The following SLC4A4 variants were observed in gnomAD, a reference collection of about 807,000 sequenced individuals.
SLC4A4 encodes the protein solute carrier family 4 member 4.
In SLC4A4, 27 loss-of-function variants were observed where a neutral mutation model predicts 111.5. That is an observed-to-expected ratio of 0.24 (90% CI 0.18 to 0.33). The LOEUF (loss-of-function observed/expected upper bound fraction) is 0.33, where lower values mean the gene tolerates loss of function less well. Among genes scored for constraint, SLC4A4 ranks in the 10% least tolerant of loss-of-function variants. The pLI is 1.00. For synonymous variants in SLC4A4, 443 were observed against 463.4 expected (o/e 0.96, Z 0.57); for missense variants, 909 against 1,315.5 (o/e 0.69, Z 4.78).
intron 16 of SLC4A4, among the ~76,000 whole-genome samples, chr4:71,524,339 T>A (rs1000454800): frequency 6.6e-6 from 1 of 152,198 alleles, no homozygotes; most frequent in Non-Finnish European, 1.5e-5. Context: ...TTCTACTGTG[T>A]TCTTTTGAGA....
At chr4:71,342,231 G>C (rs1560425335) in intron 4 of SLC4A4, among the ~76,000 whole-genome samples, 1 of 152,060 alleles carries the variant, frequency 6.6e-6, no homozygotes, top group East Asian at 1.9e-4. Context: ...AACCTGTATA[G>C]AAAAAAATCC....
intron 16 of SLC4A4, among the ~76,000 whole-genome samples, chr4:71,503,050 T>C (rs550475046): frequency 3.0e-4 from 45 of 152,286 alleles, no homozygotes; most frequent in Non-Finnish European, 5.4e-4. Context: ...TTTTATTGAA[T>C]CGATTCTTTT....
At chr4:71,176,830 A>AC (rs768345243) in intron 2 of SLC4A4, among the ~76,000 whole-genome samples, 9 of 152,136 alleles carry the variant, frequency 5.9e-5, no homozygotes, top group Non-Finnish European at 8.8e-5. Flanking sequence ...TACAGAGAAC[A>AC]CCACAAAGAT....
At chr4:71,297,662 A>G (rs1378631834) in intron 3 of SLC4A4, among the ~76,000 whole-genome samples, 1 of 146,722 alleles carries the variant, frequency 6.8e-6, no homozygotes, top group East Asian at 2.0e-4. Context: ...ATATAGGCTC[A>G]TTGCAACCTC....
At chr4:71,328,076 G>A (rs1185119458) in intron 3 of SLC4A4, among the ~76,000 whole-genome samples, 1 of 151,922 alleles carries the variant, frequency 6.6e-6, no homozygotes, top group Non-Finnish European at 1.5e-5. Flanking sequence ...AATAAGTGAG[G>A]ACGTGCAAAA....
chr4:71,423,376 G>T lies in SLC4A4; in HGVS notation c.808-17240G>T, dbSNP rs552362951. On this transcript the variant is annotated intron_variant, in intron 7 of 25. Transcript: ENST00000264485. The stretch of plus-strand genomic sequence containing the variant: ...ATGGAAGAACATTCCATGCTCATGG[G>T]TAGGAAGAATCAATATCGTGAAAAT... Among the ~76,000 whole-genome samples the T allele has an allele frequency of 4.6e-5, 7 of 152,262 alleles. No homozygotes were observed. The South Asian group carries it at 1.5e-3, about 32-fold the overall frequency.
chr4:71,074,748 A>C (rs1255943361), intron 1 of SLC4A4, among the ~76,000 whole-genome samples: 2 of 152,242 alleles, frequency 1.3e-5, no homozygotes, highest in African/African-American at 2.4e-5. Context: ...GATTTAAACA[A>C]AGTAGTTTGT....
intron 3 of SLC4A4, among the ~76,000 whole-genome samples, chr4:71,305,818 T>C (rs897049470): frequency 6.6e-6 from 1 of 152,168 alleles, no homozygotes; most frequent in African/African-American, 2.4e-5. Context: ...TATAGCCTAA[T>C]GGGAGGAGAG....
intron 2 of SLC4A4, among the ~76,000 whole-genome samples, chr4:71,240,690 A>G (rs1720142907): frequency 6.6e-6 from 1 of 152,222 alleles, no homozygotes; most frequent in African/African-American, 2.4e-5. Context: ...AGGGTCTGGG[A>G]CAGGGTAGAT....
intron 1 of SLC4A4, among the ~76,000 whole-genome samples, chr4:71,206,160 G>C (rs1717752880): frequency 6.6e-6 from 1 of 152,106 alleles, no homozygotes; most frequent in East Asian, 1.9e-4. Flanking sequence ...CACATTTTCT[G>C]TGAAATTTTG....
intron 1 of SLC4A4, among the ~76,000 whole-genome samples, chr4:71,089,335 G>T (rs1222711970): frequency 6.6e-6 from 1 of 151,838 alleles, no homozygotes; most frequent in Non-Finnish European, 1.5e-5. Flanking sequence ...CTTTGCCATG[G>T]GTTCGAACTT....
chr4:71,568,704 T>C lies in SLC4A4; in HGVS notation c.*953T>C, dbSNP rs1464129063. 6.6e-6 allele frequency: 1 copy of C among 152,166 alleles called. No individual in the cohort carries two copies. The highest frequency in any genetic ancestry group is 1.5e-5 in the Non-Finnish European group (1 of 67,810). The allele number at this position is 152,166 out of a possible 1,614,324, so 9.4% of individuals were successfully genotyped here. On this transcript the variant is annotated 3_prime_UTR_variant, in exon 26 of 26. Coordinates refer to ENST00000264485, the MANE Select transcript of SLC4A4 (RefSeq NM_001098484.3). ...ACATAGTTTTGAGTAGTTCTACCTCTTATTTGTAGCTGCCAGGCTTTCTGT... is the reference window on the plus strand; with the variant it reads ...ACATAGTTTTGAGTAGTTCTACCTCCTATTTGTAGCTGCCAGGCTTTCTGT...
intron 6 of SLC4A4, among the ~76,000 whole-genome samples, chr4:71,362,627 AATAGTCTTTC>A (rs1358293435): frequency 1.3e-5 from 2 of 152,232 alleles, no homozygotes; most frequent in Non-Finnish European, 2.9e-5. Context: ...AAGTGATACC[AATAGTCTTTC>A]ATTAGCAATG....
At chr4:71,129,784 C>CAA (rs35737857) in intron 2 of SLC4A4, among the ~76,000 whole-genome samples, 505 of 74,862 alleles carry the variant, frequency 6.7e-3, no homozygotes, top group Non-Finnish European at 7.7e-3. Flanking sequence ...TACCATGCAC[C>CAA]AAAAAAAAAA....
chr4:71,329,843 G>T (rs531825634), intron 3 of SLC4A4, among the ~76,000 whole-genome samples: 2 of 152,144 alleles, frequency 1.3e-5, no homozygotes, highest in Admixed American at 1.3e-4. Flanking sequence ...AGGACTTCTA[G>T]TACTGTGTTG....
At chr4:71,464,571 A>G (rs553648035) in intron 12 of SLC4A4, among the ~76,000 whole-genome samples, 1 of 152,270 alleles carries the variant, frequency 6.6e-6, no homozygotes, top group South Asian at 2.1e-4. Flanking sequence ...CAGGCTTCAA[A>G]CCTAGATTTG....
In SLC4A4 at chr4:71,170,795, G is replaced by T. The variant is rs1744912432; in HGVS notation, c.-1-65781G>T. On this transcript the variant is annotated intron_variant, in intron 2 of 26. Coordinates refer to the SLC4A4 transcript ENST00000649996. ...AAGTGGCATAGTCTAAATGCTATCAGTATGGAGGAGAGGTCTTTAGGGCTG... is the reference window on the plus strand; with the variant it reads ...AAGTGGCATAGTCTAAATGCTATCATTATGGAGGAGAGGTCTTTAGGGCTG... Among the ~76,000 whole-genome samples, 4 of 152,208 alleles carry T rather than the reference G, an allele frequency of 2.6e-5. No individual in the cohort carries two copies. In the South Asian group the frequency reaches 8.3e-4, roughly 32 times the overall value.
chr4:71,112,097 T>C (rs927524674), intron 2 of SLC4A4, among the ~76,000 whole-genome samples: 2 of 152,204 alleles, frequency 1.3e-5, no homozygotes, highest in African/African-American at 4.8e-5. Context: ...ATGAATAAAA[T>C]TTCAATTGCA....
Position 71,136,034 on chromosome 4 carries a change from C to G in SLC4A4, c.-2+43242C>G, listed in dbSNP as rs551100749. Among the ~76,000 whole-genome samples the G allele has an allele frequency of 1.2e-4, 18 of 152,324 alleles. No homozygotes were observed. In the South Asian group the frequency reaches 3.5e-3, roughly 30 times the overall value. ...CTAGAGGTTCATAGTGCTGCAGAGA[C>G]AGAAGAACCATAAGAGCTTAAACAT... On this transcript the variant is annotated intron_variant, in intron 2 of 26. Coordinates refer to the SLC4A4 transcript ENST00000649996.
Sources: gnomAD v4.1 joint callset for allele counts (sites outside exome capture counted in the v4.1 genomes callset) on GRCh38, gnomAD v4.1.1 for gene constraint, MANE v1.5 for transcripts, NCBI Gene and HGNC (gene_info 2026-07-23, HGNC 2026-07-21) for gene names.